GLIS3: variants seen among roughly 807,000 people sequenced by gnomAD.
GLIS3 encodes the protein GLIS family zinc finger 3, also known as zinc finger protein GLIS3.
GLIS3 carries 53 observed loss-of-function variants against 78.6 expected under a neutral mutation model. That is an observed-to-expected ratio of 0.67 (90% confidence interval 0.54 to 0.85). The LOEUF is 0.85. Among genes scored for constraint, GLIS3 ranks in the 40% least tolerant of loss-of-function variants. The probability of loss-of-function intolerance (pLI) is 0.00; values close to 1 mark genes in which losing one functional copy is unlikely to be tolerated. For missense variants in GLIS3, 1,703 were observed against 1,231.1 expected (o/e 1.38, Z -5.74); for synonymous variants, 684 against 509.9 (o/e 1.34, Z -4.60).
the GLIS3 span, among the ~76,000 whole-genome samples, chr9:4,377,364 C>T: frequency 1.5e-4 from 21 of 135,670 alleles, 6 homozygotes; most frequent in South Asian, 6.0e-3. Flanking sequence ...CCTAGGACAT[C>T]AGACTCCAGG....
chr9:3,866,353 C>G (rs553070513), intron 8 of GLIS3, among the ~76,000 whole-genome samples: 18 of 152,060 alleles, frequency 1.2e-4, no homozygotes, highest in Non-Finnish European at 2.4e-4. Flanking sequence ...GCCAGCTACT[C>G]GGGAGGCTGA....
At chr9:4,274,576 A>T (rs1326119443) in intron 2 of GLIS3, among the ~76,000 whole-genome samples, 1 of 152,224 alleles carries the variant, frequency 6.6e-6, no homozygotes, top group African/African-American at 2.4e-5. Flanking sequence ...GTCAGCGGTC[A>T]TCCTGGCAGG....
At chr9:3,966,354 T>C (rs1327932636) in intron 4 of GLIS3, among the ~76,000 whole-genome samples, 2 of 152,124 alleles carry the variant, frequency 1.3e-5, no homozygotes, top group East Asian at 1.9e-4. Context: ...GAAATATTTA[T>C]TGAGCAAATT....
In GLIS3 at chr9:3,828,036, A is replaced by C; in HGVS notation, c.*236T>G. On this transcript the variant is annotated 3_prime_UTR_variant, in exon 11 of 11. Transcript: ENST00000381971. ...GTGAGGCTCTAAATTCCCTTTGAAA[A>C]GACAGTCCTCCTGGTCACATAGTCC... 1.8e-6 allele frequency: 1 copy of C among 559,770 alleles called. No homozygotes were observed. The highest frequency in any genetic ancestry group is 3.2e-6 in the Non-Finnish European group (1 of 313,550). The allele number at this position is 559,770 out of a possible 1,614,324, so 34.7% of individuals were successfully genotyped here.
rs779756596 is a variant in GLIS3 at position 3,879,400 on chromosome 9, T to G, written c.2297+27A>C. On this transcript the variant is annotated intron_variant, in intron 8 of 10. Transcript: ENST00000381971. ...AAGGGAGGTTTGGCGGCGACACCTA[T>G]TAGGAGAGAGAGACAGATGGCCTTA... 11 of 1,611,740 alleles carry G rather than the reference T, an allele frequency of 6.8e-6. No homozygotes were observed. In the African/African-American group the frequency reaches 1.2e-4, roughly 18 times the overall value.
At chr9:3,955,905 C>G (rs1305832298) in intron 4 of GLIS3, among the ~76,000 whole-genome samples, 1 of 151,644 alleles carries the variant, frequency 6.6e-6, no homozygotes, top group African/African-American at 2.4e-5. Flanking sequence ...AGAAGTCTCC[C>G]TTTAATGACA....
intron 6 of GLIS3, among the ~76,000 whole-genome samples, chr9:3,923,660 T>C (rs1825043547): frequency 6.6e-6 from 1 of 152,082 alleles, no homozygotes; most frequent in Admixed American, 6.6e-5. Context: ...AAAAAGACTA[T>C]CATAAAAGTC....
intron 2 of GLIS3, among the ~76,000 whole-genome samples, chr9:4,202,857 G>T (rs534639297): frequency 6.6e-6 from 1 of 152,294 alleles, no homozygotes; most frequent in African/African-American, 2.4e-5. Flanking sequence ...ACCTCAAACT[G>T]TAAGAATCCT....
At chr9:4,470,260 C>A in the GLIS3 span, among the ~76,000 whole-genome samples, 1 of 152,116 alleles carries the variant, frequency 6.6e-6, no homozygotes. Flanking sequence ...TTTATGAGGC[C>A]AGCATCATCC....
intron 4 of GLIS3, among the ~76,000 whole-genome samples, chr9:3,953,936 T>C (rs1816911351): frequency 6.6e-6 from 1 of 152,078 alleles, no homozygotes; most frequent in African/African-American, 2.4e-5. Context: ...CCAATCAACA[T>C]ATCAAAATCC....
chr9:4,172,764 A>G (rs1816485003), intron 2 of GLIS3, among the ~76,000 whole-genome samples: 1 of 152,210 alleles, frequency 6.6e-6, no homozygotes, highest in African/African-American at 2.4e-5. Context: ...AACTCAAGCT[A>G]TGCAATACCA....
chr9:4,396,029 C>T, the GLIS3 span, among the ~76,000 whole-genome samples: 2 of 151,980 alleles, frequency 1.3e-5, no homozygotes, highest in South Asian at 2.1e-4. Flanking sequence ...GCCTCGGCCT[C>T]CCAAAGTGCT....
At chr9:4,303,961 C>A (rs749824307), upstream of GLIS3, among the ~76,000 whole-genome samples, 1 of 152,240 alleles carries the variant, frequency 6.6e-6, no homozygotes, top group African/African-American at 2.4e-5. Context: ...ACAATGCCAT[C>A]TTATCTATAA....
At chr9:4,251,687 G>A (rs1824404885) in intron 2 of GLIS3, among the ~76,000 whole-genome samples, 3 of 152,148 alleles carry the variant, frequency 2.0e-5, no homozygotes, top group Non-Finnish European at 2.9e-5. Context: ...AGTTGATGCA[G>A]TTTCTTCAGT....
the GLIS3 span, among the ~76,000 whole-genome samples, chr9:4,379,180 A>G: frequency 6.6e-6 from 1 of 152,120 alleles, no homozygotes; most frequent in African/African-American, 2.4e-5. Context: ...TACATAAGGC[A>G]GTTCTCCTAT....
At chr9:3,835,967 T>G (rs764831801) in intron 9 of GLIS3, among the ~76,000 whole-genome samples, 8 of 152,194 alleles carry the variant, frequency 5.3e-5, no homozygotes, top group Non-Finnish European at 1.0e-4. Flanking sequence ...AATTTCATAC[T>G]ACATATGACA....
At chr9:4,322,175 A>G (rs1281872780) in intron 2 of GLIS3, among the ~76,000 whole-genome samples, 1 of 152,146 alleles carries the variant, frequency 6.6e-6, no homozygotes, top group African/African-American at 2.4e-5. Context: ...GATGGTTTCC[A>G]GCTTCATCCA....
chr9:4,241,015 C>T (rs1030834447), intron 2 of GLIS3, among the ~76,000 whole-genome samples: 2 of 152,004 alleles, frequency 1.3e-5, no homozygotes, highest in Non-Finnish European at 2.9e-5. Context: ...TGAAATGAAT[C>T]TTAACGTGCA....
chr9:4,231,688 G>A (rs148063168), intron 2 of GLIS3, among the ~76,000 whole-genome samples: 11 of 152,238 alleles, frequency 7.2e-5, no homozygotes, highest in African/African-American at 2.6e-4. Flanking sequence ...AAAGTTCTAA[G>A]GAAAACAGCT....
Sources: allele counts gnomAD v4.1 joint callset (sites outside exome capture counted in the v4.1 genomes callset), GRCh38; gene constraint gnomAD v4.1.1; transcripts MANE v1.5; gene names NCBI Gene and HGNC (gene_info 2026-07-23, HGNC 2026-07-21).